Variants in LPP observed in about 807,000 individuals in gnomAD.
The protein encoded by LPP is LIM domain containing preferred translocation partner in lipoma.
Under a neutral mutation model 60.4 loss-of-function variants are expected in LPP, and 38 were observed. That is an observed-to-expected ratio of 0.63 (90% CI 0.49 to 0.83). The LOEUF (loss-of-function observed/expected upper bound fraction) is 0.83. LPP is among the 40% of genes least tolerant of loss of function. LPP has a pLI of 0.00. For synonymous variants in LPP, 328 were observed against 290.8 expected, an observed-to-expected ratio of 1.13 and a Z score of -1.30; for missense variants, 902 against 783.6, an observed-to-expected ratio of 1.15 and a Z score of -1.80.
intron 6 of LPP, among the ~76,000 whole-genome samples, chr3:188,525,636 A>C (rs968883727): frequency 6.6e-6 from 1 of 152,160 alleles, no homozygotes; most frequent in Non-Finnish European, 1.5e-5. Flanking sequence ...TACAGGGGAC[A>C]TATTTGTGTA....
intron 1 of LPP, among the ~76,000 whole-genome samples, chr3:188,210,668 G>A (rs936375546): frequency 3.3e-5 from 5 of 152,124 alleles, no homozygotes; most frequent in Admixed American, 6.5e-5. Context: ...TGGAGGGTAC[G>A]TTTAAAATAT....
At chr3:188,627,099 A>G (rs566343049) in intron 7 of LPP, among the ~76,000 whole-genome samples, 3 of 152,294 alleles carry the variant, frequency 2.0e-5, no homozygotes, top group African/African-American at 4.8e-5. Flanking sequence ...AGATAATTTC[A>G]TGCTGAGAGT....
Position 188,288,345 on chromosome 3 carries a change from CA to C in LPP, c.-66-53314del, listed in dbSNP as rs544221113. Among the ~76,000 whole-genome samples the C allele has an allele frequency of 7.9e-5, 12 of 152,286 alleles. No homozygotes were observed. In the South Asian group the frequency reaches 2.5e-3, roughly 32 times the overall value. The stretch of plus-strand genomic sequence containing the variant: ...CCCTTTATGCTTGTACACACATTTC[CA>C]AAACACTTTCAGATCTCGTTTGTTG... On this transcript the variant is annotated intron_variant, in intron 2 of 11. Transcript: ENST00000617246.
chr3:188,239,498 CT>C (rs1414646990), intron 2 of LPP, among the ~76,000 whole-genome samples: 2 of 152,136 alleles, frequency 1.3e-5, no homozygotes, highest in African/African-American at 4.8e-5. Context: ...TTTATATCAC[CT>C]TTTCTTACTA....
intron 1 of LPP, among the ~76,000 whole-genome samples, chr3:188,174,870 T>A (rs1335473961): frequency 6.6e-6 from 1 of 152,158 alleles, no homozygotes; most frequent in East Asian, 1.9e-4. Context: ...CCTCTTATGG[T>A]TCCATGGCCC....
At chr3:188,208,677 G>A (rs1733936592) in intron 1 of LPP, among the ~76,000 whole-genome samples, 1 of 152,134 alleles carries the variant, frequency 6.6e-6, no homozygotes, top group Non-Finnish European at 1.5e-5. Flanking sequence ...CCTCCTTTTG[G>A]CCCAGCATTT....
intron 9 of LPP, among the ~76,000 whole-genome samples, chr3:188,834,658 A>G (rs1297495536): frequency 6.6e-6 from 1 of 152,190 alleles, no homozygotes; most frequent in Non-Finnish European, 1.5e-5. Flanking sequence ...TGTTCAGTAC[A>G]ACCTCAGTGC....
intron 2 of LPP, among the ~76,000 whole-genome samples, chr3:188,303,648 A>G (rs1750632407): frequency 6.6e-6 from 1 of 152,144 alleles, no homozygotes; most frequent in Non-Finnish European, 1.5e-5. Context: ...CAGGTAGGAG[A>G]AACATGCAAA....
At chr3:188,172,517 C>A (rs1019469952) in intron 1 of LPP, among the ~76,000 whole-genome samples, 1 of 151,958 alleles carries the variant, frequency 6.6e-6, no homozygotes, top group Non-Finnish European at 1.5e-5. Flanking sequence ...CACAAAATGG[C>A]GATTTGGAAA....
chr3:188,246,253 G>A (rs1726911285), intron 2 of LPP, among the ~76,000 whole-genome samples: 1 of 151,736 alleles, frequency 6.6e-6, no homozygotes, highest in African/African-American at 2.4e-5. Context: ...AGGCTGATAT[G>A]TCTAGGTGTC....
intron 5 of LPP, among the ~76,000 whole-genome samples, chr3:188,509,873 G>GTTTTTTTTTTTTT (rs35389820): frequency 2.7e-5 from 3 of 111,032 alleles, no homozygotes; most frequent in African/African-American, 3.6e-5. Flanking sequence ...TTTTTTTGTT[G>GTTTTTTTTTTTTT]TTTTTTTTTT....
At chr3:188,485,908 A>G (rs181583552) in intron 5 of LPP, among the ~76,000 whole-genome samples, 18 of 151,920 alleles carry the variant, frequency 1.2e-4, no homozygotes, top group Admixed American at 4.6e-4. Context: ...TGATTTGATA[A>G]CTGTTGGGTG....
At chr3:188,154,397 G>A (rs1715488346) in intron 1 of LPP, among the ~76,000 whole-genome samples, 145 bp downstream of exon 1, 1 of 152,118 alleles carries the variant, frequency 6.6e-6, no homozygotes, top group Admixed American at 6.5e-5. Flanking sequence ...GTGCGGAAGT[G>A]CCGGCCGCGG....
At chr3:188,451,428 T>A (rs1241480514) in intron 4 of LPP, among the ~76,000 whole-genome samples, 1 of 152,230 alleles carries the variant, frequency 6.6e-6, no homozygotes, top group East Asian at 1.9e-4. Flanking sequence ...GCCATTTTAC[T>A]GATGTTACTT....
chr3:188,736,287 TAAG>T (rs887596645), intron 8 of LPP, among the ~76,000 whole-genome samples: 39 of 152,030 alleles, frequency 2.6e-4, no homozygotes, highest in African/African-American at 7.5e-4. Context: ...AAAAAATATG[TAAG>T]AATAATATTT....
At chr3:188,716,905 T>G (rs1258745947) in intron 8 of LPP, among the ~76,000 whole-genome samples, 1 of 152,204 alleles carries the variant, frequency 6.6e-6, no homozygotes, top group African/African-American at 2.4e-5. Context: ...GCATCCAACT[T>G]CTAGGTCTAC....
chr3:188,208,376 G>A (rs1421787607), intron 1 of LPP: 1 of 152,246 alleles, frequency 6.6e-6, no homozygotes, highest in Admixed American at 6.5e-5. Context: ...AGGGATGCTA[G>A]AATTCCAGGG....
intron 7 of LPP, among the ~76,000 whole-genome samples, chr3:188,660,796 T>A (rs958778738): frequency 2.0e-5 from 3 of 152,168 alleles, no homozygotes; most frequent in African/African-American, 7.2e-5. Flanking sequence ...TATCAACATC[T>A]CTGACGAGAG....
chr3:188,322,147 T>C (rs1757138462), intron 2 of LPP, among the ~76,000 whole-genome samples: 1 of 152,224 alleles, frequency 6.6e-6, no homozygotes, highest in Non-Finnish European at 1.5e-5. Flanking sequence ...ATTTTTTCTG[T>C]GGCTTGATCC....
Sources: allele counts gnomAD v4.1 joint callset (sites outside exome capture counted in the v4.1 genomes callset), GRCh38; gene constraint gnomAD v4.1.1; transcripts MANE v1.5; gene names NCBI Gene and HGNC (gene_info 2026-07-23, HGNC 2026-07-21).